The following ABCD2 variants were observed in gnomAD, a reference collection of about 807,000 sequenced individuals.
ABCD2 encodes the protein ATP-binding cassette sub-family D member 2.
ABCD2 carries 36 observed loss-of-function variants against 70.9 expected under a neutral mutation model. The ratio of observed to expected loss-of-function variants is 0.51; its 90% CI spans 0.39 to 0.67. The LOEUF (loss-of-function observed/expected upper bound fraction) is 0.67. Ranked by LOEUF, ABCD2 falls within the 30% of genes least tolerant of loss-of-function variation. ABCD2 has a pLI of 0.00. For synonymous variants in ABCD2, 304 were observed against 306.9 expected (o/e 0.99, Z 0.10); for missense variants, 729 against 890.2 (o/e 0.82, Z 2.30).
the ABCD2 span, among the ~76,000 whole-genome samples, chr12:39,540,542 G>A: frequency 6.6e-6 from 1 of 152,154 alleles, no homozygotes; most frequent in Non-Finnish European, 1.5e-5. Context: ...GACAGCACTA[G>A]ATATTTTTCT....
chr12:39,542,362 C>T, the ABCD2 span, among the ~76,000 whole-genome samples: 1 of 151,246 alleles, frequency 6.6e-6, no homozygotes, highest in Non-Finnish European at 1.5e-5. Flanking sequence ...ATTCAGGAGG[C>T]TGAGGCAAGA....
chr12:39,579,470 T>C, intron 8 of ABCD2, 65 bp downstream of exon 8: 1 of 1,142,272 alleles, frequency 8.8e-7, no homozygotes, highest in East Asian at 2.4e-5. Flanking sequence ...ACTTTTGTTG[T>C]TCCTATTGTT....
chr12:39,617,735 A>G (rs994673326), intron 1 of ABCD2, among the ~76,000 whole-genome samples: 3 of 152,186 alleles, frequency 2.0e-5, no homozygotes, highest in Non-Finnish European at 2.9e-5. Context: ...TGCTACTGCT[A>G]TTAAAGACAC....
chr12:39,579,461 C>A, intron 8 of ABCD2, 74 bp downstream of exon 8: 1 of 1,060,118 alleles, frequency 9.4e-7, no homozygotes, highest in Non-Finnish European at 1.4e-6. Context: ...CCTGTCCAAA[C>A]TTTTGTTGTT....
At position 39,619,355 on chromosome 12, in the gene ABCD2, C is replaced by A. The variant is rs1390785264; in HGVS notation, c.261G>T (p.Gln87His). 1 of 1,613,914 alleles carries A rather than the reference C, an allele frequency of 6.2e-7. No individual in the cohort carries two copies. The highest frequency in any genetic ancestry group is 1.1e-5 in the South Asian group (1 of 91,058). ...ACAAAATTTTCCGAAGTTCTAGTAG[C>A]TGTTTGAAGAAATCTGCATTCACTC... is the stretch of plus-strand genomic sequence containing the variant. The part of the protein sequence containing the change: ...SPGVNADFFK[Q>H]LLELRKILFP... Residue 87 changes from glutamine to histidine, a missense_variant, in exon 1 of 10, where the codon CAG becomes CAT. This residue lies in a region of ABCD2 where 245 missense variants were observed against 261.2 expected (regional missense o/e 0.94). Coordinates refer to ENST00000308666, the MANE Select transcript of ABCD2 (RefSeq NM_005164.4).
chr12:39,536,520 C>T, the ABCD2 span, among the ~76,000 whole-genome samples: 2 of 152,232 alleles, frequency 1.3e-5, no homozygotes, highest in Admixed American at 6.5e-5. Flanking sequence ...CTTTTATATA[C>T]ATTGAACATG....
chr12:39,589,931 C>A (rs745458673), intron 6 of ABCD2, among the ~76,000 whole-genome samples: 1 of 151,778 alleles, frequency 6.6e-6, no homozygotes. Context: ...CAACTAAAGC[C>A]GCTTAGGTTT....
At chr12:39,618,172 A>G (rs371895066) in intron 1 of ABCD2, among the ~76,000 whole-genome samples, 318 of 152,300 alleles carry the variant, frequency 2.1e-3, no homozygotes, top group African/African-American at 6.8e-3. Flanking sequence ...GGGATGCTCC[A>G]TATTGATCAG....
chr12:39,581,484 A>AAT (rs1941594835), intron 7 of ABCD2, among the ~76,000 whole-genome samples: 2 of 152,182 alleles, frequency 1.3e-5, no homozygotes, highest in African/African-American at 4.8e-5. Flanking sequence ...TTAAAATTTT[A>AAT]TGTTAGGAAA....
chr12:39,551,058 A>C lies in ABCD2; in HGVS notation c.*2854T>G, dbSNP rs963309282. The stretch of plus-strand genomic sequence containing the variant: ...GAGAAAACCATTCCCACTGTAAACA[A>C]ATGTAAATTTGAGTTGAGTTTTAAG... On this transcript the variant is annotated 3_prime_UTR_variant, in exon 10 of 10. Transcript: ENST00000308666. 1.3e-5 allele frequency: 2 copies of C among 151,704 alleles called. No homozygotes were observed. The highest frequency in any genetic ancestry group is 4.8e-5 in the African/African-American group (2 of 41,422). 9.4% of individuals were successfully genotyped at this position (151,704 alleles called of 1,614,324 possible).
At chr12:39,610,088 T>A (rs1942025067) in intron 2 of ABCD2, among the ~76,000 whole-genome samples, 1 of 152,170 alleles carries the variant, frequency 6.6e-6, no homozygotes, top group African/African-American at 2.4e-5. Flanking sequence ...GTCTTGAAGA[T>A]GGCATAAAAT....
intron 4 of ABCD2, among the ~76,000 whole-genome samples, chr12:39,604,260 T>C (rs925613970): frequency 6.6e-6 from 1 of 152,008 alleles, no homozygotes; most frequent in Non-Finnish European, 1.5e-5. Flanking sequence ...TCAACATCAT[T>C]ACAATAGCAA....
At chr12:39,594,297 A>G (rs1347934067) in intron 6 of ABCD2, among the ~76,000 whole-genome samples, 3 of 152,190 alleles carry the variant, frequency 2.0e-5, no homozygotes, top group African/African-American at 7.2e-5. Flanking sequence ...CTCACAAAAT[A>G]GGGATACTAA....
chr12:39,536,365 A>G, the ABCD2 span, among the ~76,000 whole-genome samples: 1 of 152,190 alleles, frequency 6.6e-6, no homozygotes, highest in African/African-American at 2.4e-5. Context: ...TGTGTCTTAG[A>G]TCTGCAGTAG....
chr12:39,591,513 A>T (rs1020747535), intron 6 of ABCD2, among the ~76,000 whole-genome samples: 3 of 152,076 alleles, frequency 2.0e-5, no homozygotes, highest in African/African-American at 7.2e-5. Flanking sequence ...GAAGTTTGAG[A>T]CCAGCCTGCT....
At chr12:39,540,314 A>C in the ABCD2 span, among the ~76,000 whole-genome samples, 1 of 152,176 alleles carries the variant, frequency 6.6e-6, no homozygotes, top group Non-Finnish European at 1.5e-5. Flanking sequence ...GGGTCTGGGG[A>C]GTCATACCTT....
chr12:39,591,982 A>G (rs2120666190), intron 6 of ABCD2, among the ~76,000 whole-genome samples: 1 of 152,250 alleles, frequency 6.6e-6, no homozygotes, highest in Middle Eastern at 3.4e-3. Context: ...AAGATTTTAA[A>G]AAGTATCTTT....
At chr12:39,615,470 A>G (rs931997205) in intron 2 of ABCD2, among the ~76,000 whole-genome samples, 1 of 152,026 alleles carries the variant, frequency 6.6e-6, no homozygotes, top group African/African-American at 2.4e-5. Context: ...TATGTCTAAA[A>G]TACTATTACT....
chr12:39,566,963 A>C (rs940949236), intron 9 of ABCD2, among the ~76,000 whole-genome samples: 2 of 152,176 alleles, frequency 1.3e-5, no homozygotes, highest in African/African-American at 4.8e-5. Context: ...CTTAATCCTG[A>C]GTTCTAATTT....
Sources: gnomAD v4.1 joint callset for allele counts (sites outside exome capture counted in the v4.1 genomes callset) on GRCh38, gnomAD v4.1.1 for gene constraint, gnomAD v4.1.1 regional missense constraint, MANE v1.5 for transcripts, NCBI Gene and HGNC (gene_info 2026-07-23, HGNC 2026-07-21) for gene names.